RGS3: variants seen among roughly 807,000 people sequenced by gnomAD.
RGS3 encodes regulator of G-protein signalling 3.
A neutral mutation model predicts 132.6 loss-of-function variants in RGS3; 80 were observed. That is an observed-to-expected ratio of 0.60 (90% CI 0.50 to 0.73). The LOEUF (loss-of-function observed/expected upper bound fraction) is 0.73. Among genes scored for constraint, RGS3 ranks in the 30% least tolerant of loss-of-function variants. The pLI is 0.00. For synonymous variants in RGS3, 598 were observed against 620.6 expected (o/e 0.96, Z 0.54); for missense variants, 1,382 against 1,530.8 (o/e 0.90, Z 1.62).
chr9:113,557,038 A>G (rs1427553301), intron 19 of RGS3, among the ~76,000 whole-genome samples: 1 of 152,224 alleles, frequency 6.6e-6, no homozygotes. Context: ...TTGTTGAATG[A>G]CTGTATGAGT....
chr9:113,467,091 A>G (rs1307626139), intron 3 of RGS3, among the ~76,000 whole-genome samples: 1 of 152,284 alleles, frequency 6.6e-6, no homozygotes, highest in East Asian at 1.9e-4. Context: ...TTGTATGGCT[A>G]TACCACATTT....
upstream of RGS3, among the ~76,000 whole-genome samples, chr9:113,459,657 T>C (rs1829428693): frequency 6.6e-6 from 1 of 151,886 alleles, no homozygotes; most frequent in South Asian, 2.1e-4. Context: ...GGCTGAGGTA[T>C]GAGAATCGCT....
chr9:113,544,180 A>AGGAGCTGG (rs1833011101), intron 19 of RGS3, among the ~76,000 whole-genome samples: 1 of 152,178 alleles, frequency 6.6e-6, no homozygotes. Context: ...TCTCAGGCCC[A>AGGAGCTGG]GGAGCTGGGA....
chr9:113,458,862 A>G (rs1021494825), upstream of RGS3, among the ~76,000 whole-genome samples: 1 of 151,972 alleles, frequency 6.6e-6, no homozygotes, highest in Non-Finnish European at 1.5e-5. Flanking sequence ...AGTGATTCTC[A>G]TGCCTCAGTC....
intron 5 of RGS3, 88 bp downstream of exon 3, chr9:113,483,205 C>A: frequency 1.1e-6 from 1 of 918,928 alleles, no homozygotes; most frequent in Non-Finnish European, 1.7e-6. Flanking sequence ...ACCTGTGGGG[C>A]TGGTGACCTT....
chr9:113,564,131 G>A (rs1833898908), intron 19 of RGS3, among the ~76,000 whole-genome samples: 1 of 152,240 alleles, frequency 6.6e-6, no homozygotes, highest in Non-Finnish European at 1.5e-5. Context: ...TGGCACAGCA[G>A]CATCTTGCAG....
chr9:113,517,020 G>T (rs955453438), intron 15 of RGS3, among the ~76,000 whole-genome samples: 5 of 152,218 alleles, frequency 3.3e-5, no homozygotes, highest in African/African-American at 9.6e-5. Context: ...AGGTTTGGGT[G>T]ATAATTGACC....
At chr9:113,577,020 A>G (rs981273390) in intron 19 of RGS3, among the ~76,000 whole-genome samples, 1 of 152,048 alleles carries the variant, frequency 6.6e-6, no homozygotes, top group Non-Finnish European at 1.5e-5. Flanking sequence ...GTCTCACTCT[A>G]TTGCCCAGGC....
chr9:113,523,103 G>A, intron 17 of RGS3, 62 bp downstream of exon 15: 2 of 1,093,812 alleles, frequency 1.8e-6, no homozygotes, highest in African/African-American at 1.5e-5. Context: ...ACTGCTCTGG[G>A]CAGCCCTCTG....
chr9:113,535,828 T>A (rs1402122409), intron 18 of RGS3, among the ~76,000 whole-genome samples: 1 of 152,190 alleles, frequency 6.6e-6, no homozygotes, highest in Non-Finnish European at 1.5e-5. Context: ...AGACAGAGCT[T>A]GTACTCCCCT....
intron 13 of RGS3, among the ~76,000 whole-genome samples, chr9:113,508,326 T>C (rs896871238): frequency 1.3e-5 from 2 of 152,214 alleles, no homozygotes; most frequent in Non-Finnish European, 2.9e-5. Context: ...GGGGTTAGGC[T>C]TCATGACCCA....
chr9:113,462,071 C>A (rs1243458482), exon 3 of RGS3: 1 of 1,614,096 alleles, frequency 6.2e-7, no homozygotes, highest in Admixed American at 1.7e-5. Context: ...GTGGCTTGAG[C>A]CTGAGCTTGC....
chr9:113,539,678 G>C (rs1832823057), intron 19 of RGS3, among the ~76,000 whole-genome samples: 3 of 152,194 alleles, frequency 2.0e-5, no homozygotes, highest in Admixed American at 6.5e-5. Context: ...GGAAAAGGGG[G>C]TTTGTAAGGC....
At chr9:113,567,243 C>G (rs942298767) in intron 19 of RGS3, among the ~76,000 whole-genome samples, 3 of 151,960 alleles carry the variant, frequency 2.0e-5, no homozygotes, top group Admixed American at 2.0e-4. Flanking sequence ...CCCTCCCCTC[C>G]CCCTCCATGT....
intron 20 of RGS3, among the ~76,000 whole-genome samples, chr9:113,586,391 C>A (rs978246472): frequency 2.0e-5 from 3 of 152,220 alleles, no homozygotes; most frequent in African/African-American, 7.2e-5. Flanking sequence ...TTATCTAATT[C>A]CCCAGCTCAG....
chr9:113,447,707 T>C (rs1284892076), intron 1 of RGS3, among the ~76,000 whole-genome samples: 1 of 152,120 alleles, frequency 6.6e-6, no homozygotes, highest in African/African-American at 2.4e-5. Context: ...CTTTTCTTTT[T>C]ATGGTCCATC....
Position 113,591,258 on chromosome 9 carries a change from G to T in RGS3, c.3016-75G>T. 3.0e-6 allele frequency: 4 copies of T among 1,345,174 alleles called. No homozygotes were observed. The highest frequency in any genetic ancestry group is 3.2e-6 in the Non-Finnish European group (3 of 944,312). The allele number at this position is 1,345,174 out of a possible 1,614,324, so 83.3% of individuals were successfully genotyped here. A position where few individuals can be genotyped will look rare whatever the true frequency, so the allele number is the denominator to read the frequency against. Reference sequence around the variant, plus strand: ...AGGGGCTGGTGGCAGGGAATGTTGGGTCTCTGAGCCTCTGTTTACTTAGGC... The same window carrying T: ...AGGGGCTGGTGGCAGGGAATGTTGGTTCTCTGAGCCTCTGTTTACTTAGGC... On this transcript the variant is annotated intron_variant, in intron 20 of 24. Coordinates refer to ENST00000350696, the Ensembl canonical transcript of RGS3. The surrounding 1 kb of genome is among the most constrained non-coding windows in gnomAD (Gnocchi z 4.4).
exon 7 of RGS3, chr9:113,485,670 G>A: frequency 1.3e-6 from 2 of 1,594,734 alleles, no homozygotes; most frequent in South Asian, 1.1e-5. Context: ...TGGTTACTGT[G>A]TGGAACAGGG....
intron 24 of RGS3, 59 bp downstream of exon 22, chr9:113,595,824 G>A (rs961259138): frequency 6.4e-7 from 1 of 1,570,484 alleles, no homozygotes; most frequent in Middle Eastern, 2.1e-4. Flanking sequence ...TGGCCCTTCA[G>A]CTGCAAGGTG....
Sources: gnomAD v4.1 joint callset for allele counts (sites outside exome capture counted in the v4.1 genomes callset) on GRCh38, gnomAD v4.1.1 for gene constraint, Gnocchi (gnomAD v3.1) non-coding constraint, MANE v1.5 for transcripts, NCBI Gene and HGNC (gene_info 2026-07-23, HGNC 2026-07-21) for gene names.